MAP6: variants seen among roughly 807,000 people sequenced by gnomAD.
MAP6 encodes microtubule associated protein 6, also known as microtubule-associated protein 6.
Under a neutral mutation model 42.4 loss-of-function variants are expected in MAP6, and 26 were observed. The ratio of observed to expected loss-of-function variants is 0.61; its 90% confidence interval spans 0.45 to 0.85. MAP6 has a LOEUF of 0.85. MAP6 is among the 40% of genes least tolerant of loss of function. The pLI, the probability that MAP6 is intolerant of heterozygous loss-of-function variation, is 0.00. For missense variants in MAP6, 966 were observed against 1,099.0 expected, an observed-to-expected ratio of 0.88 and a Z score of 1.71; for synonymous variants, 418 against 443.8, an observed-to-expected ratio of 0.94 and a Z score of 0.73.
chr11:75,633,392 TGA>T (rs1444346252), intron 1 of MAP6, among the ~76,000 whole-genome samples: 1 of 152,184 alleles, frequency 6.6e-6, no homozygotes, highest in Non-Finnish European at 1.5e-5. Context: ...GACATGCTAG[TGA>T]GAGATGCTAA....
chr11:75,609,322 T>C (rs1294534639), intron 1 of MAP6, among the ~76,000 whole-genome samples: 1 of 152,156 alleles, frequency 6.6e-6, no homozygotes, highest in Admixed American at 6.5e-5. Context: ...TCTGTTCTCC[T>C]TTGGGGGCAC....
chr11:75,615,658 T>C (rs1430235573), intron 1 of MAP6, among the ~76,000 whole-genome samples: 1 of 152,086 alleles, frequency 6.6e-6, no homozygotes, highest in Non-Finnish European at 1.5e-5. Context: ...GTGCCCAGAG[T>C]GGGCAAAATT....
Position 75,643,056 on chromosome 11 carries a change from G to A in MAP6, c.905+24409C>T, listed in dbSNP as rs76874776. On this transcript the variant is annotated intron_variant, in intron 1 of 3. Transcript: ENST00000304771. ...TTTTGTGATACTATTATTGGCAGTA[G>A]AAATATAAAAACTGATGGTAGACTT... 1.3e-5 allele frequency among the ~76,000 whole-genome samples: 2 copies of A among 152,060 alleles called. 1 individual carries two copies.
intron 1 of MAP6, among the ~76,000 whole-genome samples, chr11:75,620,296 C>T (rs2135611547): frequency 6.6e-6 from 1 of 152,026 alleles, no homozygotes; most frequent in East Asian, 1.9e-4. Context: ...ATGGTGAAAT[C>T]CCATCTCTAT....
chr11:75,657,642 C>G (rs1451556876), intron 1 of MAP6, among the ~76,000 whole-genome samples: 2 of 152,230 alleles, frequency 1.3e-5, no homozygotes, highest in Non-Finnish European at 2.9e-5. Context: ...GATTTATCAT[C>G]TCACAGTTCT....
chr11:75,642,806 A>G, intron 1 of MAP6: 1 of 414,866 alleles, frequency 2.4e-6, no homozygotes, highest in South Asian at 1.9e-5. Context: ...GACACCTAAA[A>G]ATTGTCACCG....
intron 3 of MAP6, chr11:75,605,439 T>A: frequency 9.8e-7 from 1 of 1,018,398 alleles, no homozygotes; most frequent in Non-Finnish European, 1.2e-6. Context: ...GACACAGATC[T>A]TGGGGATCTG....
In MAP6 at chr11:75,608,208, G is replaced by C; in HGVS notation, c.1020C>G (p.Phe340Leu). 6.2e-7 allele frequency: 1 copy of C among 1,614,208 alleles called. No individual in the cohort carries two copies. Among genetic ancestry groups the C allele is most frequent in the East Asian group, 2.2e-5 (1 of 44,890 alleles). ...MVHETSYSAQFKGEASKPTTA... is the reference protein window; with the variant it reads ...MVHETSYSAQLKGEASKPTTA... ...TTGTTGGCTTGCTGGCCTCTCCTTT[G>C]AACTGAGCACTGTAGCTGGTCTCAT... Residue 340 changes from phenylalanine to leucine, a missense_variant, in exon 2 of 4, where the codon TTC becomes TTG. By Grantham distance (22) the Phe-to-Leu change is conservative (BLOSUM62 0). Transcript: ENST00000304771.
chr11:75,618,874 G>A (rs555197350), intron 1 of MAP6, among the ~76,000 whole-genome samples: 2 of 152,338 alleles, frequency 1.3e-5, no homozygotes, highest in South Asian at 4.1e-4. Flanking sequence ...CAGAAGCACA[G>A]CATATCCCTG....
rs73488497 is a variant in MAP6 at position 75,667,101 on chromosome 11, T to C, written c.905+364A>G. Among the ~76,000 whole-genome samples, 9,692 of 152,028 alleles carry C rather than the reference T, an allele frequency of 0.064. 410 individuals carry two copies. Among genetic ancestry groups the C allele is most frequent in the East Asian group, 0.14 (732 of 5,154 alleles). ...AATGGGGACCCTGCAAAGGGCAACA[T>C]CCAGGCTAACGCAGCAGGTGAGTTG... is the stretch of plus-strand genomic sequence containing the variant. On this transcript the variant is annotated intron_variant, in intron 1 of 3. Coordinates refer to ENST00000304771, the MANE Select transcript of MAP6 (RefSeq NM_033063.2). This position sits in a 1 kb window ranked among gnomAD's most constrained non-coding sequence, Gnocchi z 5.6.
In MAP6 at chr11:75,628,481, G is replaced by C. The variant is rs527483685; in HGVS notation, c.906-20159C>G. Among the ~76,000 whole-genome samples the C allele has an allele frequency of 5.3e-5, 8 of 152,304 alleles. No homozygotes were observed. The East Asian group carries it at 1.5e-3, about 29-fold the overall frequency. On this transcript the variant is annotated intron_variant, in intron 1 of 3. Coordinates refer to ENST00000304771, the MANE Select transcript of MAP6 (RefSeq NM_033063.2). The stretch of plus-strand genomic sequence containing the variant: ...GAGAGCTTGCCTCCTCCCCGCCCTT[G>C]CTCCCCGAATACCAACCCTGGAAAG...
intron 1 of MAP6, among the ~76,000 whole-genome samples, chr11:75,649,276 T>G (rs1943610233): frequency 6.6e-6 from 1 of 152,178 alleles, no homozygotes. Flanking sequence ...AGATATGTGA[T>G]GTTGGGTGAA....
intron 1 of MAP6, among the ~76,000 whole-genome samples, chr11:75,611,404 G>A (rs1445474678): frequency 1.3e-5 from 2 of 152,254 alleles, no homozygotes; most frequent in South Asian, 2.1e-4. Context: ...GTGGGCTGGG[G>A]AGCGTCTCAC....
chr11:75,595,429 C>T (rs1041725688), intron 3 of MAP6, among the ~76,000 whole-genome samples: 4 of 152,246 alleles, frequency 2.6e-5, no homozygotes, highest in African/African-American at 4.8e-5. Flanking sequence ...AGAGCCCTCA[C>T]ATTCCAACTG....
At chr11:75,659,138 G>A (rs1943799839) in intron 1 of MAP6, among the ~76,000 whole-genome samples, 1 of 152,220 alleles carries the variant, frequency 6.6e-6, no homozygotes, top group Non-Finnish European at 1.5e-5. Context: ...AGGAAGTGCT[G>A]AGTGTAGAGA....
chr11:75,633,123 T>C (rs974632687), intron 1 of MAP6, among the ~76,000 whole-genome samples: 1 of 151,984 alleles, frequency 6.6e-6, no homozygotes, highest in South Asian at 2.1e-4. Context: ...TTGTAACATA[T>C]CTTCACTTAA....
Position 75,591,970 on chromosome 11 carries a change from T to G in MAP6, c.1317-3786A>C, listed in dbSNP as rs1280461084. Among the ~76,000 whole-genome samples, 5 of 152,370 alleles carry G rather than the reference T, an allele frequency of 3.3e-5. No homozygotes were observed. The East Asian group carries it at 9.6e-4, about 29-fold the overall frequency. On this transcript the variant is annotated intron_variant, in intron 3 of 3. Coordinates refer to ENST00000304771, the MANE Select transcript of MAP6 (RefSeq NM_033063.2). Reference sequence around the variant, plus strand: ...AATAAGTCCACTTCTGTAATAACTGTGATAGCAGTTTACTAAAATGCTCAT... The same window carrying G: ...AATAAGTCCACTTCTGTAATAACTGGGATAGCAGTTTACTAAAATGCTCAT...
intron 1 of MAP6, among the ~76,000 whole-genome samples, chr11:75,619,378 A>T (rs1451619851): frequency 6.6e-6 from 1 of 151,602 alleles, no homozygotes; most frequent in African/African-American, 2.4e-5. Context: ...TTATTTATTT[A>T]TTTTTTAACT....
At chr11:75,632,214 G>A (rs1474602731) in intron 1 of MAP6, among the ~76,000 whole-genome samples, 3 of 152,074 alleles carry the variant, frequency 2.0e-5, no homozygotes, top group African/African-American at 4.8e-5. Flanking sequence ...GTGCCTTACC[G>A]AAGGTCACCC....
Sources: allele counts gnomAD v4.1 joint callset (sites outside exome capture counted in the v4.1 genomes callset), GRCh38; gene constraint gnomAD v4.1.1; non-coding constraint Gnocchi (gnomAD v3.1); transcripts MANE v1.5; gene names NCBI Gene and HGNC (gene_info 2026-07-23, HGNC 2026-07-21).